TTC17: variants seen among roughly 807,000 people sequenced by gnomAD.
TTC17 encodes tetratricopeptide repeat protein 17.
Under a neutral mutation model 143.8 loss-of-function variants are expected in TTC17, and 58 were observed. The observed-to-expected ratio is 0.40, with a 90% confidence interval of 0.33 to 0.50. The LOEUF (loss-of-function observed/expected upper bound fraction) is 0.50. Ranked by LOEUF, TTC17 falls within the 20% of genes least tolerant of loss-of-function variation. The pLI is 0.49. For synonymous variants in TTC17, 501 were observed against 497.8 expected, an observed-to-expected ratio of 1.01 and a Z score of -0.09; for missense variants, 1,273 against 1,392.5, an observed-to-expected ratio of 0.91 and a Z score of 1.37.
intron 16 of TTC17, among the ~76,000 whole-genome samples, chr11:43,429,942 A>G (rs1947116635): frequency 6.6e-6 from 1 of 152,234 alleles, no homozygotes; most frequent in Non-Finnish European, 1.5e-5. Context: ...AACCGTTAGA[A>G]TATTCCACTG....
At chr11:43,361,188 A>G (rs1196261957) in intron 1 of TTC17, among the ~76,000 whole-genome samples, 5 of 152,226 alleles carry the variant, frequency 3.3e-5, no homozygotes, top group Non-Finnish European at 4.4e-5. Flanking sequence ...CATAATTTGT[A>G]TGCAGGTAGA....
intron 19 of TTC17, chr11:43,448,833 T>C (rs1325467086): frequency 8.5e-5 from 13 of 152,170 alleles, no homozygotes; most frequent in African/African-American, 2.4e-4. Flanking sequence ...TAAAAAATTA[T>C]TGTTTTTTTT....
intron 13 of TTC17, 151 bp downstream of exon 13, chr11:43,406,102 C>T (rs749260529): frequency 2.5e-5 from 25 of 1,013,778 alleles, no homozygotes; most frequent in East Asian, 5.2e-5. Context: ...GAAATGATGG[C>T]GAAGTCAGTC....
At chr11:43,407,673 G>A (rs1457081050) in intron 15 of TTC17, 96 bp downstream of exon 15, 1 of 1,180,574 alleles carries the variant, frequency 8.5e-7, no homozygotes, top group East Asian at 2.5e-5. Flanking sequence ...CATAAAAAAT[G>A]TCATGTTTTG....
intron 19 of TTC17, chr11:43,449,041 G>A (rs1044649789): frequency 2.6e-5 from 4 of 152,410 alleles, no homozygotes; most frequent in African/African-American, 9.7e-5. Flanking sequence ...CCTCAAACCA[G>A]AGCATAACCA....
intron 5 of TTC17, among the ~76,000 whole-genome samples, chr11:43,393,806 C>G (rs1156706733): frequency 6.6e-6 from 1 of 152,180 alleles, no homozygotes; most frequent in East Asian, 1.9e-4. Flanking sequence ...GGGACAAAGA[C>G]CAAATATATT....
intron 21 of TTC17, chr11:43,486,355 T>C (rs763887697): frequency 2.3e-6 from 1 of 426,686 alleles, no homozygotes; most frequent in Non-Finnish European, 4.8e-6. Context: ...GCTCCCTGCC[T>C]GTCATTATCA....
At chr11:43,423,336 G>A (rs147420778) in intron 16 of TTC17, among the ~76,000 whole-genome samples, 92 of 152,216 alleles carry the variant, frequency 6.0e-4, no homozygotes, top group Non-Finnish European at 1.1e-3. Context: ...TTGATGTGCT[G>A]GGAATAGCAA....
intron 13 of TTC17, 32 bp downstream of exon 13, chr11:43,405,983 G>A (rs764243827): frequency 1.4e-5 from 22 of 1,599,576 alleles, no homozygotes; most frequent in African/African-American, 4.0e-5. Flanking sequence ...ATTTATTGCC[G>A]TCCATTCTGG....
At chr11:43,377,328 A>G (rs2134472541) in intron 1 of TTC17, among the ~76,000 whole-genome samples, 1 of 152,288 alleles carries the variant, frequency 6.6e-6, no homozygotes, top group South Asian at 2.1e-4. Flanking sequence ...TCATGGGAGC[A>G]CCATCACATA....
intron 21 of TTC17, among the ~76,000 whole-genome samples, chr11:43,453,147 A>T (rs907732486): frequency 1.4e-5 from 2 of 146,962 alleles, no homozygotes; most frequent in East Asian, 4.0e-4. Flanking sequence ...ACAGAAAGGG[A>T]CATAGAGGAC....
chr11:43,452,592 A>C (rs1227340506), intron 21 of TTC17, among the ~76,000 whole-genome samples: 1 of 152,152 alleles, frequency 6.6e-6, no homozygotes, highest in East Asian at 1.9e-4. Flanking sequence ...ACACAGCAGG[A>C]AAATATTGTA....
At chr11:43,486,450 AG>A (rs757629230) in intron 21 of TTC17, 1 of 452,936 alleles carries the variant, frequency 2.2e-6, no homozygotes, top group South Asian at 1.6e-5. Context: ...TATCCCTATC[AG>A]GTAGGAGGGA....
rs370558962 is a variant in TTC17 at position 43,358,945 on chromosome 11, G to A, written c.-10G>A. The A allele has an allele frequency of 1.0e-5, 16 of 1,569,436 alleles. No homozygotes were observed. Among genetic ancestry groups the A allele is most frequent in the East Asian group, 1.0e-4 (4 of 40,086 alleles). On this transcript the variant is annotated 5_prime_UTR_variant, in exon 1 of 24. Coordinates refer to ENST00000039989, the MANE Select transcript of TTC17 (RefSeq NM_018259.6). ...GCTTCCGGTGTGAGCGGCCCGGCCG[G>A]GGGGGCAAGATGGCGGCGGCAGTAG...
chr11:43,397,704 T>C (rs946232189), intron 7 of TTC17, among the ~76,000 whole-genome samples: 1 of 152,124 alleles, frequency 6.6e-6, no homozygotes, highest in African/African-American at 2.4e-5. Flanking sequence ...AATTGGAATT[T>C]TAAACTTCTA....
chr11:43,363,749 G>A (rs1856211796), intron 1 of TTC17, among the ~76,000 whole-genome samples: 1 of 152,200 alleles, frequency 6.6e-6, no homozygotes, highest in Admixed American at 6.5e-5. Flanking sequence ...GCAATAGTAA[G>A]TAAAAATGGA....
chr11:43,377,930 G>A (rs1003923271), intron 1 of TTC17, among the ~76,000 whole-genome samples: 1 of 151,886 alleles, frequency 6.6e-6, no homozygotes, highest in Non-Finnish European at 1.5e-5. Context: ...TTGAGACAGA[G>A]TCTCGCTCTG....
At chr11:43,380,648 A>T (rs996097771) in intron 2 of TTC17, among the ~76,000 whole-genome samples, 5 of 152,226 alleles carry the variant, frequency 3.3e-5, no homozygotes, top group African/African-American at 7.2e-5. Flanking sequence ...TATATTTATC[A>T]ACATACATAT....
chr11:43,370,210 AT>A (rs1856510006), intron 1 of TTC17: 1 of 386,268 alleles, frequency 2.6e-6, no homozygotes. Context: ...TGAAGAGATA[AT>A]TCCATGAGAA....
Sources: allele counts gnomAD v4.1 joint callset (sites outside exome capture counted in the v4.1 genomes callset), GRCh38; gene constraint gnomAD v4.1.1; transcripts MANE v1.5; gene names NCBI Gene and HGNC (gene_info 2026-07-23, HGNC 2026-07-21).